Variants in R3HDM1 observed in about 807,000 individuals in gnomAD.
R3HDM1 encodes the protein R3H domain containing 1.
Under a neutral mutation model 141.1 loss-of-function variants are expected in R3HDM1, and 46 were observed. The observed-to-expected ratio is 0.33, with a 90% CI of 0.26 to 0.42. The LOEUF is 0.42. Among genes scored for constraint, R3HDM1 ranks in the 10% least tolerant of loss-of-function variants. R3HDM1 has a pLI of 1.00. For missense variants in R3HDM1, 1,184 were observed against 1,368.3 expected, an observed-to-expected ratio of 0.87 and a Z score of 2.12; for synonymous variants, 435 against 472.9, an observed-to-expected ratio of 0.92 and a Z score of 1.04.
chr2:135,630,265 G>A (rs558823438), intron 7 of R3HDM1, among the ~76,000 whole-genome samples: 54 of 87,100 alleles, frequency 6.2e-4, no homozygotes, highest in Admixed American at 1.7e-3. Context: ...CAACAAGAGC[G>A]AAACTCCTTC....
At chr2:135,659,042 C>G (rs2066288915) in intron 18 of R3HDM1, among the ~76,000 whole-genome samples, 1 of 101,282 alleles carries the variant, frequency 9.9e-6, no homozygotes, top group African/African-American at 5.6e-5. Context: ...GAAAGACCTA[C>G]CTGAGTCTGT....
intron 18 of R3HDM1, among the ~76,000 whole-genome samples, chr2:135,659,287 G>A (rs1273603741): frequency 6.6e-6 from 1 of 151,924 alleles, no homozygotes; most frequent in East Asian, 1.9e-4. Context: ...TGTAGAGATA[G>A]GGTTTCACCA....
At chr2:135,575,587 TAGC>T (rs1234720861) in intron 1 of R3HDM1, among the ~76,000 whole-genome samples, 3 of 152,278 alleles carry the variant, frequency 2.0e-5, no homozygotes, top group East Asian at 3.9e-4. Context: ...TTCAATAAAA[TAGC>T]AGGATATAAA....
At chr2:135,537,433 C>T (rs907991877) in intron 1 of R3HDM1, among the ~76,000 whole-genome samples, 6 of 150,250 alleles carry the variant, frequency 4.0e-5, no homozygotes, top group African/African-American at 1.2e-4. Context: ...ACTATAGTCA[C>T]GAGCCATCAT....
At chr2:135,542,213 T>G (rs1434438642) in intron 1 of R3HDM1, among the ~76,000 whole-genome samples, 2 of 152,218 alleles carry the variant, frequency 1.3e-5, no homozygotes, top group African/African-American at 2.4e-5. Context: ...GATTTCACAT[T>G]TTCAGATTAG....
chr2:135,538,587 G>A lies in R3HDM1; in HGVS notation c.-250+6954G>A, dbSNP rs1045076739. Among the ~76,000 whole-genome samples, 5 of 152,012 alleles carry A rather than the reference G, an allele frequency of 3.3e-5. No individual in the cohort carries two copies. In the South Asian group the frequency reaches 8.3e-4, roughly 25 times the overall value. The stretch of plus-strand genomic sequence containing the variant: ...TTTTCTTTATATCCTTGCCCTATAA[G>A]CATTTTTCTATTTTAAAAGGTTTTG... On this transcript the variant is annotated intron_variant, in intron 1 of 26. Coordinates refer to ENST00000683871, the MANE Select transcript of R3HDM1 (RefSeq NM_001378107.1).
intron 7 of R3HDM1, among the ~76,000 whole-genome samples, chr2:135,623,721 TCTAA>T (rs1420408720): frequency 6.6e-6 from 1 of 152,206 alleles, no homozygotes; most frequent in East Asian, 1.9e-4. Flanking sequence ...ATTGAACAGC[TCTAA>T]CTATGTGCCA....
At chr2:135,710,789 A>G (rs575070501) in intron 23 of R3HDM1, among the ~76,000 whole-genome samples, 6 of 152,384 alleles carry the variant, frequency 3.9e-5, no homozygotes, top group African/African-American at 1.4e-4. Flanking sequence ...CATTTATCCT[A>G]CCTTTCCCAT....
At chr2:135,580,181 G>T (rs1481262910) in intron 1 of R3HDM1, among the ~76,000 whole-genome samples, 1 of 152,180 alleles carries the variant, frequency 6.6e-6, no homozygotes, top group East Asian at 1.9e-4. Flanking sequence ...AGCCCAGGAG[G>T]TGGAGGTTGC....
intron 7 of R3HDM1, among the ~76,000 whole-genome samples, chr2:135,629,199 C>T (rs1467363745): frequency 2.0e-5 from 3 of 152,010 alleles, no homozygotes; most frequent in East Asian, 3.9e-4. Context: ...CACCTGTAAC[C>T]CCAGCTACCG....
intron 16 of R3HDM1, among the ~76,000 whole-genome samples, chr2:135,646,137 CTT>C (rs200777494): frequency 7.2e-5 from 10 of 139,562 alleles, no homozygotes; most frequent in South Asian, 4.6e-4. Flanking sequence ...TTTATTCTAA[CTT>C]TTTTTTTTTT....
chr2:135,621,449 AT>A, intron 5 of R3HDM1, 44 bp from the exon 6 acceptor site: 1 of 1,198,634 alleles, frequency 8.3e-7, no homozygotes, highest in Non-Finnish European at 1.2e-6. Flanking sequence ...TATTAAATGA[AT>A]TGTATTGTAT....
At chr2:135,709,162 C>T (rs62168838) in intron 21 of R3HDM1, among the ~76,000 whole-genome samples, 2,092 of 152,104 alleles carry the variant, frequency 0.014, 27 homozygotes, top group Admixed American at 0.029. Flanking sequence ...CAAGCTCTGC[C>T]TCCTGGGTTT....
chr2:135,669,666 G>T (rs2068038016), intron 19 of R3HDM1: 1 of 793,966 alleles, frequency 1.3e-6, no homozygotes. Context: ...ACATTTGATA[G>T]CTGTTGATCA....
At chr2:135,620,797 A>G (rs1237083361) in intron 5 of R3HDM1, 1 of 252,672 alleles carries the variant, frequency 4.0e-6, no homozygotes, top group Non-Finnish European at 6.2e-6. Context: ...TTCTGGAATT[A>G]CATGTAATGG....
chr2:135,559,657 A>G (rs1701434698), intron 1 of R3HDM1, among the ~76,000 whole-genome samples: 1 of 152,232 alleles, frequency 6.6e-6, no homozygotes, highest in Non-Finnish European at 1.5e-5. Flanking sequence ...TCCTTCCTGC[A>G]GTAGGATCCA....
intron 21 of R3HDM1, among the ~76,000 whole-genome samples, chr2:135,686,597 A>T (rs1220343084): frequency 2.0e-5 from 3 of 152,192 alleles, no homozygotes; most frequent in African/African-American, 7.2e-5. Flanking sequence ...GTAGCTGGGT[A>T]TAGTGACAAA....
At chr2:135,675,857 G>A (rs2069097306) in intron 20 of R3HDM1, among the ~76,000 whole-genome samples, 1 of 152,144 alleles carries the variant, frequency 6.6e-6, no homozygotes, top group Non-Finnish European at 1.5e-5. Flanking sequence ...CTGGGAGAGA[G>A]GAATAGGAGG....
chr2:135,583,748 C>CT (rs1401799709), intron 1 of R3HDM1: 1 of 985,056 alleles, frequency 1.0e-6, no homozygotes, highest in African/African-American at 1.7e-5. Context: ...TTGTCTTTAC[C>CT]TGTAAAGGTT....
Sources: gnomAD v4.1 joint callset for allele counts (sites outside exome capture counted in the v4.1 genomes callset) on GRCh38, gnomAD v4.1.1 for gene constraint, MANE v1.5 for transcripts, NCBI Gene and HGNC (gene_info 2026-07-23, HGNC 2026-07-21) for gene names.